Variants in KCNU1 observed in about 807,000 individuals in gnomAD.
The protein encoded by KCNU1 is potassium channel subfamily U member 1.
KCNU1 carries 93 observed loss-of-function variants against 126.8 expected under a neutral mutation model. The observed-to-expected ratio is 0.73, with a 90% confidence interval of 0.62 to 0.87. The LOEUF (loss-of-function observed/expected upper bound fraction) is 0.87, where lower values mean the gene tolerates loss of function less well. KCNU1 is among the 40% of genes least tolerant of loss of function. The pLI is 0.00. For missense variants in KCNU1, 1,330 were observed against 1,367.1 expected, an observed-to-expected ratio of 0.97 and a Z score of 0.43; for synonymous variants, 523 against 494.2, an observed-to-expected ratio of 1.06 and a Z score of -0.77.
intron 23 of KCNU1, among the ~76,000 whole-genome samples, chr8:36,919,952 C>T (rs183020314): frequency 1.3e-5 from 2 of 152,322 alleles, no homozygotes; most frequent in African/African-American, 4.8e-5. Context: ...GGCACTGCCT[C>T]ATTGCTACCT....
At chr8:36,840,701 T>C in intron 15 of KCNU1, 126 bp downstream of exon 15, 1 of 699,274 alleles carries the variant, frequency 1.4e-6, no homozygotes, top group Non-Finnish European at 2.5e-6. Flanking sequence ...CAGCCCAGGG[T>C]CCCTGAAACT....
intron 22 of KCNU1, among the ~76,000 whole-genome samples, chr8:36,915,830 T>C (rs1808077789): frequency 6.6e-6 from 1 of 152,120 alleles, no homozygotes; most frequent in Non-Finnish European, 1.5e-5. Context: ...CTCATCAATA[T>C]CTGAAAATAT....
In KCNU1 at chr8:36,874,378, C is replaced by T. The variant is rs113130211; in HGVS notation, c.2009+9857C>T. On this transcript the variant is annotated intron_variant, in intron 19 of 26. Transcript: ENST00000399881. ...TTATATAGAATTCTGTGGGGGCAGT[C>T]CTTATGTAAAGATAAGAAATAAGCC... 1.3e-3 allele frequency among the ~76,000 whole-genome samples: 195 copies of T among 152,250 alleles called. 1 individual carries two copies. The highest frequency in any genetic ancestry group is 4.6e-3 in the African/African-American group (191 of 41,556).
At chr8:36,829,268 A>C (rs1804440531) in intron 10 of KCNU1, among the ~76,000 whole-genome samples, 1 of 151,958 alleles carries the variant, frequency 6.6e-6, no homozygotes, top group Non-Finnish European at 1.5e-5. Flanking sequence ...AAAGTTTTTA[A>C]TGTTATTATA....
At chr8:36,878,604 A>T (rs1305529542) in intron 19 of KCNU1, among the ~76,000 whole-genome samples, 12 of 152,112 alleles carry the variant, frequency 7.9e-5, no homozygotes. Context: ...AACAAACTTG[A>T]CCATTGGGTA....
At chr8:36,929,572 G>T (rs1246387534) in intron 24 of KCNU1, among the ~76,000 whole-genome samples, 1 of 152,050 alleles carries the variant, frequency 6.6e-6, no homozygotes, top group Non-Finnish European at 1.5e-5. Context: ...AGTGCCCATG[G>T]AATCCCAAAG....
At chr8:36,914,143 C>A (rs937394739) in intron 22 of KCNU1, among the ~76,000 whole-genome samples, 1 of 152,198 alleles carries the variant, frequency 6.6e-6, no homozygotes, top group Non-Finnish European at 1.5e-5. Context: ...CCCCCAAGAA[C>A]TGAAATTATA....
chr8:36,924,675 A>G (rs1808476698), intron 24 of KCNU1, among the ~76,000 whole-genome samples: 2 of 152,164 alleles, frequency 1.3e-5, no homozygotes, highest in Non-Finnish European at 2.9e-5. Context: ...AGAAAGTGTT[A>G]TATCACTGTC....
intron 2 of KCNU1, among the ~76,000 whole-genome samples, chr8:36,798,898 G>C (rs1004270378): frequency 2.6e-5 from 4 of 152,082 alleles, no homozygotes; most frequent in African/African-American, 9.7e-5. Context: ...CACGGGCCAT[G>C]GTCACTCATA....
chr8:36,795,459 G>C (rs1289815724), intron 2 of KCNU1: 1 of 152,486 alleles, frequency 6.6e-6, no homozygotes. Context: ...GGGGCACAGG[G>C]ACTTGGTAGA....
At chr8:36,933,473 T>TG (rs1808762019) in intron 26 of KCNU1, among the ~76,000 whole-genome samples, 1 of 152,088 alleles carries the variant, frequency 6.6e-6, no homozygotes, top group Non-Finnish European at 1.5e-5. Context: ...ATATAAATCA[T>TG]GGGGGTGATA....
At chr8:36,904,774 G>A (rs1188762597) in intron 19 of KCNU1, among the ~76,000 whole-genome samples, 2 of 152,146 alleles carry the variant, frequency 1.3e-5, no homozygotes, top group African/African-American at 4.8e-5. Context: ...CAGATGTTGA[G>A]GCCATAAGAT....
At chr8:36,822,495 A>T (rs1358494235) in intron 10 of KCNU1, among the ~76,000 whole-genome samples, 1 of 152,174 alleles carries the variant, frequency 6.6e-6, no homozygotes, top group East Asian at 1.9e-4. Context: ...CTTGTTATTT[A>T]AGCTACAAGG....
chr8:36,859,149 C>A (rs1017913652), intron 18 of KCNU1, among the ~76,000 whole-genome samples: 1 of 152,100 alleles, frequency 6.6e-6, no homozygotes, highest in Non-Finnish European at 1.5e-5. Context: ...CTGGTTCTAA[C>A]TAAAATGTGC....
intron 7 of KCNU1, among the ~76,000 whole-genome samples, chr8:36,813,308 A>G (rs1299305184): frequency 6.6e-6 from 1 of 152,128 alleles, no homozygotes; most frequent in South Asian, 2.1e-4. Context: ...TTTCCATCCT[A>G]GTTCTTAAAA....
intron 2 of KCNU1, among the ~76,000 whole-genome samples, chr8:36,793,481 TATA>T (rs1018870498): frequency 6.6e-6 from 1 of 151,994 alleles, no homozygotes; most frequent in African/African-American, 2.4e-5. Flanking sequence ...TAATGAAAAT[TATA>T]ATGACAATTC....
intron 19 of KCNU1, among the ~76,000 whole-genome samples, chr8:36,878,231 A>C (rs1221598503): frequency 6.6e-6 from 1 of 152,228 alleles, no homozygotes; most frequent in Non-Finnish European, 1.5e-5. Context: ...AATAAAGACA[A>C]GAAAATTTCT....
intron 18 of KCNU1, among the ~76,000 whole-genome samples, chr8:36,847,764 T>C (rs1478803803): frequency 2.6e-5 from 4 of 152,248 alleles, no homozygotes; most frequent in Non-Finnish European, 5.9e-5. Flanking sequence ...TTGTGTATAG[T>C]CCTACAATAA....
chr8:36,924,057 G>A (rs1004655362), intron 24 of KCNU1, among the ~76,000 whole-genome samples: 2 of 152,184 alleles, frequency 1.3e-5, no homozygotes, highest in Non-Finnish European at 2.9e-5. Context: ...GAGCTTTGAA[G>A]AGGAACTTTT....
Sources: gnomAD v4.1 joint callset for allele counts (sites outside exome capture counted in the v4.1 genomes callset) on GRCh38, gnomAD v4.1.1 for gene constraint, MANE v1.5 for transcripts, NCBI Gene and HGNC (gene_info 2026-07-23, HGNC 2026-07-21) for gene names.